Variants in LEMD3 observed in about 807,000 individuals in gnomAD.
LEMD3 encodes inner nuclear membrane protein Man1.
A neutral mutation model predicts 95.2 loss-of-function variants in LEMD3; 33 were observed. The observed-to-expected ratio is 0.35, with a 90% CI of 0.26 to 0.46. LEMD3 has a LOEUF of 0.46. LEMD3 is among the 20% of genes least tolerant of loss of function. The pLI, the probability that LEMD3 is intolerant of heterozygous loss-of-function variation, is 1.00. For synonymous variants in LEMD3, 525 were observed against 474.6 expected (o/e 1.11, Z -1.38); for missense variants, 1,210 against 1,192.8 (o/e 1.01, Z -0.21).
chr12:65,173,778 T>G (rs1240411563), intron 1 of LEMD3, among the ~76,000 whole-genome samples: 1 of 152,210 alleles, frequency 6.6e-6, no homozygotes, highest in African/African-American at 2.4e-5. Context: ...ATATACATTA[T>G]AGAAATTAAT....
intron 1 of LEMD3, among the ~76,000 whole-genome samples, chr12:65,176,015 CTA>C: frequency 6.6e-6 from 1 of 152,286 alleles, no homozygotes; most frequent in Non-Finnish European, 1.5e-5. Context: ...TCTGTTTCCT[CTA>C]TATCTTTTGA....
intron 4 of LEMD3, among the ~76,000 whole-genome samples, chr12:65,218,992 A>T (rs1178315370): frequency 1.3e-5 from 2 of 152,072 alleles, no homozygotes; most frequent in South Asian, 2.1e-4. Context: ...GAGTTTCACT[A>T]TGTTGGCCAG....
At chr12:65,202,514 T>C (rs1176245153) in intron 1 of LEMD3, among the ~76,000 whole-genome samples, 1 of 152,218 alleles carries the variant, frequency 6.6e-6, no homozygotes, top group East Asian at 1.9e-4. Flanking sequence ...TGAAGACTTT[T>C]GCATCTGTAT....
chr12:65,204,370 C>G (rs772362231), intron 1 of LEMD3, among the ~76,000 whole-genome samples: 7 of 152,044 alleles, frequency 4.6e-5, no homozygotes, highest in Non-Finnish European at 8.8e-5. Flanking sequence ...GGGTTTTTCC[C>G]CTCCATGTGC....
At chr12:65,236,499 C>T (rs1233924184) in intron 4 of LEMD3, among the ~76,000 whole-genome samples, 5 of 151,634 alleles carry the variant, frequency 3.3e-5, no homozygotes, top group South Asian at 2.1e-4. Flanking sequence ...TGCAGTGAGG[C>T]GAGTTCGCAC....
rs117647777 is a variant in LEMD3, at chr12:65,189,739, G to A, written c.1522+18621G>A. Among the ~76,000 whole-genome samples, 10 of 152,296 alleles carry A rather than the reference G, an allele frequency of 6.6e-5. 1 individual carries two copies. The East Asian group carries it at 1.9e-3, about 29-fold the overall frequency. On this transcript the variant is annotated intron_variant, in intron 1 of 12. Transcript: ENST00000308330. The stretch of plus-strand genomic sequence containing the variant: ...TAGTCTCATTAAACTTGGCTTGATA[G>A]TTCACATACGTGCAGCGAGAGTAGT...
Position 65,169,800 on chromosome 12 carries a change from C to G in LEMD3, c.204C>G (p.Asn68Lys). 6.5e-7 allele frequency: 1 copy of G among 1,529,280 alleles called. No individual in the cohort carries two copies. The highest frequency in any genetic ancestry group is 8.8e-7 in the Non-Finnish European group (1 of 1,136,330). The allele number at this position is 1,529,280 out of a possible 1,614,324, so 94.7% of individuals were successfully genotyped here. A position where few individuals can be genotyped will look rare whatever the true frequency, so the allele number is the denominator to read the frequency against. The change falls in exon 1 of 13, where the codon AAC becomes AAG. Residue 68 changes from asparagine to lysine, a missense_variant. Transcript: ENST00000308330. ...GCAACAAGACGCGGAACAGTAATAA[C>G]AATAACACGGCAGCCGCCACGGTCG... The part of the protein sequence containing the change: ...GRGNKTRNSN[N>K]NNTAAATVAA...
intron 10 of LEMD3, among the ~76,000 whole-genome samples, chr12:65,245,128 C>T (rs2136358183): frequency 6.6e-6 from 1 of 151,036 alleles, no homozygotes; most frequent in Non-Finnish European, 1.5e-5. Flanking sequence ...CAGCTCTCTG[C>T]ACTCTTTTTT....
chr12:65,239,421 GC>G (rs977882759), intron 6 of LEMD3, among the ~76,000 whole-genome samples: 1 of 152,034 alleles, frequency 6.6e-6, no homozygotes, highest in African/African-American at 2.4e-5. Context: ...AGTGGCACGT[GC>G]CTGTAGTCCC....
intron 1 of LEMD3, among the ~76,000 whole-genome samples, chr12:65,179,342 A>G (rs1868830425): frequency 1.3e-5 from 2 of 152,100 alleles, no homozygotes; most frequent in Admixed American, 1.3e-4. Context: ...AATTATTTTC[A>G]TGATTCCTAA....
chr12:65,180,989 A>AACAC (rs71096029), intron 1 of LEMD3, among the ~76,000 whole-genome samples: 79 of 149,272 alleles, frequency 5.3e-4, no homozygotes, highest in African/African-American at 1.6e-3. Flanking sequence ...TATGTACACA[A>AACAC]ACACACACAC....
At chr12:65,222,259 G>C (rs985662513) in intron 4 of LEMD3, among the ~76,000 whole-genome samples, 2 of 152,076 alleles carry the variant, frequency 1.3e-5, no homozygotes, top group Non-Finnish European at 2.9e-5. Context: ...ACTCAGTTTT[G>C]ATTTTTGTAT....
At chr12:65,171,202 G>T in intron 1 of LEMD3, 84 bp downstream of exon 1, 1 of 1,590,470 alleles carries the variant, frequency 6.3e-7, no homozygotes, top group East Asian at 2.3e-5. Flanking sequence ...TTTACATGAA[G>T]TGACTTACCT....
chr12:65,195,822 A>C (rs1476629253), intron 1 of LEMD3, among the ~76,000 whole-genome samples: 1 of 152,124 alleles, frequency 6.6e-6, no homozygotes, highest in African/African-American at 2.4e-5. Flanking sequence ...GAGAGAGACA[A>C]ATGATTTCTT....
intron 4 of LEMD3, among the ~76,000 whole-genome samples, chr12:65,237,747 T>C (rs1264033455): frequency 2.6e-5 from 4 of 152,168 alleles, no homozygotes; most frequent in Non-Finnish European, 5.9e-5. Flanking sequence ...TGAATGCTAG[T>C]TTTTCAAAAT....
At chr12:65,210,786 T>C in intron 1 of LEMD3, 140 bp from the exon 2 acceptor site, 2 of 761,940 alleles carry the variant, frequency 2.6e-6, no homozygotes, top group Admixed American at 1.8e-5. Flanking sequence ...TAACCTTTAT[T>C]ATCACCAGTT....
In LEMD3 at chr12:65,169,986, G is replaced by A. The variant is rs1372975488; in HGVS notation, c.390G>A (p.Ala130=). The change falls in exon 1 of 13, where the codon GCG becomes GCA. Residue 130 remains alanine, a synonymous_variant. Transcript: ENST00000308330. ...CCGGGGGCGCCTCCGCCGCCCCCGC[G>A]GCTGGCAGCAAAGTGCTGCTGGGCT... ...GGPGGASAAP[A]AGSKVLLGFS... The A allele has an allele frequency of 6.8e-7, 1 of 1,472,616 alleles. No homozygotes were observed. Among genetic ancestry groups the A allele is most frequent in the Non-Finnish European group, 8.9e-7 (1 of 1,123,338 alleles). The allele number at this position is 1,472,616 out of a possible 1,614,324, so 91.2% of individuals were successfully genotyped here. A position where few individuals can be genotyped will look rare whatever the true frequency, so the allele number is the denominator to read the frequency against.
chr12:65,173,023 T>C (rs1868605402), intron 1 of LEMD3, among the ~76,000 whole-genome samples: 2 of 152,212 alleles, frequency 1.3e-5, no homozygotes, highest in Non-Finnish European at 2.9e-5. Flanking sequence ...CAGGTGGTGG[T>C]ATCCTCATTT....
intron 1 of LEMD3, among the ~76,000 whole-genome samples, chr12:65,197,083 G>T (rs1315710293): frequency 6.6e-6 from 1 of 152,074 alleles, no homozygotes; most frequent in Non-Finnish European, 1.5e-5. Context: ...CTAGCTAGAG[G>T]TTAGTTGATG....
Sources: allele counts gnomAD v4.1 joint callset (sites outside exome capture counted in the v4.1 genomes callset), GRCh38; gene constraint gnomAD v4.1.1; transcripts MANE v1.5; gene names NCBI Gene and HGNC (gene_info 2026-07-23, HGNC 2026-07-21).